Variants in DPYD observed in about 807,000 individuals in gnomAD.
The protein encoded by DPYD is dihydropyrimidine dehydrogenase.
In DPYD, 109 loss-of-function variants were observed where a neutral mutation model predicts 116.2. The ratio of observed to expected loss-of-function variants is 0.94; its 90% CI spans 0.80 to 1.10. The LOEUF (loss-of-function observed/expected upper bound fraction) is 1.10. DPYD is among the 50% of genes least tolerant of loss of function. DPYD has a pLI of 0.00. For missense variants in DPYD, 1,302 were observed against 1,254.5 expected, an observed-to-expected ratio of 1.04 and a Z score of -0.57; for synonymous variants, 440 against 432.0, an observed-to-expected ratio of 1.02 and a Z score of -0.23.
intron 20 of DPYD, among the ~76,000 whole-genome samples, chr1:97,120,502 A>G (rs1462435558): frequency 6.6e-6 from 1 of 152,044 alleles, no homozygotes; most frequent in African/African-American, 2.4e-5. Context: ...CCTTCTCCTG[A>G]CCCTTTTATA....
chr1:97,335,529 G>A (rs750632104), intron 16 of DPYD, among the ~76,000 whole-genome samples: 2 of 151,450 alleles, frequency 1.3e-5, no homozygotes, highest in African/African-American at 2.4e-5. Flanking sequence ...ATATGATAAT[G>A]CTGTGTTTCT....
intron 8 of DPYD, among the ~76,000 whole-genome samples, chr1:97,673,760 A>G (rs777418897): frequency 2.0e-4 from 31 of 152,178 alleles, no homozygotes; most frequent in Non-Finnish European, 3.8e-4. Context: ...TCATTAATCC[A>G]GGCTAAAGTA....
intron 3 of DPYD, among the ~76,000 whole-genome samples, chr1:97,827,770 T>C (rs1040001809): frequency 9.9e-5 from 15 of 152,266 alleles, no homozygotes; most frequent in East Asian, 9.6e-4. Context: ...TACTACTCAA[T>C]TAAAGCACCA....
intron 3 of DPYD, among the ~76,000 whole-genome samples, chr1:97,752,720 C>T (rs56202188): frequency 1.3e-5 from 2 of 151,988 alleles, no homozygotes; most frequent in African/African-American, 4.8e-5. Context: ...CCTGTGAAAC[C>T]CCCTGGCTAT....
In DPYD at chr1:97,274,903, A is replaced by G. The variant is rs375165457; in HGVS notation, c.2299+30356T>C. Among the ~76,000 whole-genome samples the G allele has an allele frequency of 2.8e-4, 43 of 152,276 alleles. 1 individual carries two copies. The highest frequency in any genetic ancestry group is 2.3e-3 in the East Asian group (12 of 5,178). On this transcript the variant is annotated intron_variant, in intron 18 of 22. Coordinates refer to ENST00000370192, the MANE Select transcript of DPYD (RefSeq NM_000110.4). ...AGAAATTATATGTAGAATATGATAT[A>G]AACACGAGAGAGATGCACAGGATGC...
chr1:97,507,203 C>T lies in DPYD; in HGVS notation c.1740+8523G>A, dbSNP rs139025631. Among the ~76,000 whole-genome samples, 590 of 151,970 alleles carry T rather than the reference C, an allele frequency of 3.9e-3. 3 individuals carry two copies. Among genetic ancestry groups the T allele is most frequent in the Admixed American group, 0.018 (268 of 15,232 alleles). ...TGATTTTATGAATTTCAATAAAATA[C>T]GTCTAAGTTATAAGAACCTAGCTAG... On this transcript the variant is annotated intron_variant, in intron 13 of 22. Transcript: ENST00000370192.
intron 15 of DPYD, among the ~76,000 whole-genome samples, chr1:97,380,845 A>T (rs1671915325): frequency 6.6e-6 from 1 of 152,174 alleles, no homozygotes; most frequent in African/African-American, 2.4e-5. Context: ...AAGCATATTC[A>T]TAAAACCAAA....
chr1:97,328,263 T>C (rs936344200), intron 16 of DPYD, among the ~76,000 whole-genome samples: 2 of 152,142 alleles, frequency 1.3e-5, no homozygotes, highest in Non-Finnish European at 2.9e-5. Context: ...ACCATAGAGA[T>C]GCCTCTTAAG....
intron 13 of DPYD, among the ~76,000 whole-genome samples, chr1:97,487,722 C>T (rs896559222): frequency 4.6e-5 from 7 of 151,954 alleles, no homozygotes; most frequent in Non-Finnish European, 1.0e-4. Context: ...TCATAACATG[C>T]ATAAGAGAAC....
At chr1:97,350,435 C>T (rs1014329824) in intron 16 of DPYD, among the ~76,000 whole-genome samples, 5 of 152,066 alleles carry the variant, frequency 3.3e-5, no homozygotes, top group African/African-American at 1.2e-4. Flanking sequence ...GTGGGTTGCT[C>T]ATAACATTTT....
At chr1:97,549,437 T>C in intron 12 of DPYD, 123 bp downstream of exon 12, 1 of 1,056,208 alleles carries the variant, frequency 9.5e-7, no homozygotes, top group Non-Finnish European at 1.4e-6. Flanking sequence ...AGTATGTACG[T>C]GACATATTGT....
At chr1:97,411,475 A>T (rs1423126115) in intron 14 of DPYD, among the ~76,000 whole-genome samples, 1 of 152,030 alleles carries the variant, frequency 6.6e-6, no homozygotes, top group African/African-American at 2.4e-5. Flanking sequence ...CTCCATTTTG[A>T]GCTGTCAATC....
chr1:97,522,392 A>G (rs1481743780), intron 12 of DPYD, among the ~76,000 whole-genome samples: 2 of 152,138 alleles, frequency 1.3e-5, no homozygotes, highest in African/African-American at 4.8e-5. Context: ...GTGACCAAAC[A>G]TATCTTAACC....
At chr1:97,266,674 C>T (rs993244135) in intron 18 of DPYD, among the ~76,000 whole-genome samples, 3 of 152,080 alleles carry the variant, frequency 2.0e-5, no homozygotes, top group African/African-American at 7.2e-5. Flanking sequence ...TGCTATCCCT[C>T]CCCCTGCCCC....
intron 3 of DPYD, among the ~76,000 whole-genome samples, chr1:97,822,400 ATATTTATATGTAATATATACATT>A (rs1450718907): frequency 6.8e-6 from 1 of 148,060 alleles, no homozygotes; most frequent in Non-Finnish European, 1.5e-5. Flanking sequence ...TAAATAATAT[ATATTTATATGTAATATATACATT>A]TATATATATT....
chr1:97,826,999 T>A (rs933884472), intron 3 of DPYD, among the ~76,000 whole-genome samples: 5 of 152,046 alleles, frequency 3.3e-5, no homozygotes, highest in African/African-American at 1.2e-4. Flanking sequence ...TAAATTTAAT[T>A]ACCTCCCCCT....
chr1:97,712,434 A>G (rs552981232), intron 5 of DPYD, among the ~76,000 whole-genome samples: 1 of 151,958 alleles, frequency 6.6e-6, no homozygotes, highest in African/African-American at 2.4e-5. Flanking sequence ...TTTTTATTTT[A>G]TCTCCTTTTA....
At chr1:97,245,557 C>T (rs1662665824) in intron 18 of DPYD, among the ~76,000 whole-genome samples, 1 of 152,030 alleles carries the variant, frequency 6.6e-6, no homozygotes, top group African/African-American at 2.4e-5. Flanking sequence ...AAATGTTACA[C>T]AGCATAAAAA....
Position 97,574,823 on chromosome 1 carries a change from T to C in DPYD, c.1129-853A>G, listed in dbSNP as rs192597934. Among the ~76,000 whole-genome samples, 3 of 152,298 alleles carry C rather than the reference T, an allele frequency of 2.0e-5. No homozygotes were observed. In the East Asian group the frequency reaches 5.8e-4, roughly 29 times the overall value. ...AATGTCCTACTGAAGTGTTTTGGGA[T>C]GTTGTCTTATTATTTTCCTTCACTC... On this transcript the variant is annotated intron_variant, in intron 10 of 22. Coordinates refer to ENST00000370192, the MANE Select transcript of DPYD (RefSeq NM_000110.4).
Sources: allele counts gnomAD v4.1 joint callset (sites outside exome capture counted in the v4.1 genomes callset), GRCh38; gene constraint gnomAD v4.1.1; transcripts MANE v1.5; gene names NCBI Gene and HGNC (gene_info 2026-07-23, HGNC 2026-07-21).